The following FYN variants were observed in gnomAD, a reference collection of about 807,000 sequenced individuals.
FYN encodes the protein tyrosine-protein kinase Fyn.
A neutral mutation model predicts 70.2 loss-of-function variants in FYN; 10 were observed. That is an observed-to-expected ratio of 0.14 (90% CI 0.09 to 0.24). The LOEUF (loss-of-function observed/expected upper bound fraction) is 0.24, where lower values mean the gene tolerates loss of function less well. FYN is among the 10% of genes least tolerant of loss of function. The pLI, the probability that FYN is intolerant of heterozygous loss-of-function variation, is 1.00. For synonymous variants in FYN, 236 were observed against 248.6 expected, an observed-to-expected ratio of 0.95 and a Z score of 0.48; for missense variants, 319 against 673.1, an observed-to-expected ratio of 0.47 and a Z score of 5.82.
chr6:111,870,012 CT>C (rs1411956100), intron 1 of FYN, among the ~76,000 whole-genome samples: 1 of 152,224 alleles, frequency 6.6e-6, no homozygotes, highest in Non-Finnish European at 1.5e-5. Context: ...CTATAAGTTT[CT>C]TGAGGGCAGT....
intron 2 of FYN, among the ~76,000 whole-genome samples, chr6:111,827,539 C>T (rs142431796): frequency 1.3e-5 from 2 of 152,168 alleles, no homozygotes; most frequent in Admixed American, 1.3e-4. Flanking sequence ...GGGTCACCAG[C>T]GGCTCAGGCT....
intron 2 of FYN, among the ~76,000 whole-genome samples, chr6:111,825,984 G>T (rs975217575): frequency 6.6e-6 from 1 of 152,070 alleles, no homozygotes; most frequent in African/African-American, 2.4e-5. Context: ...GAGTTAGGGC[G>T]AGTATTCTAT....
At chr6:111,792,884 T>C (rs890073535) in intron 2 of FYN, among the ~76,000 whole-genome samples, 5 of 152,188 alleles carry the variant, frequency 3.3e-5, no homozygotes, top group Non-Finnish European at 5.9e-5. Flanking sequence ...TGGGGTGTAT[T>C]GGGACTGGAT....
chr6:111,735,555 C>T (rs1262177371), intron 3 of FYN, among the ~76,000 whole-genome samples: 7 of 152,136 alleles, frequency 4.6e-5, no homozygotes, highest in African/African-American at 1.2e-4. Context: ...TAAGCAAAAG[C>T]ATTTGCACAT....
intron 2 of FYN, among the ~76,000 whole-genome samples, chr6:111,784,921 T>C (rs183466358): frequency 1.6e-4 from 25 of 152,362 alleles, no homozygotes; most frequent in Non-Finnish European, 2.6e-4. Context: ...CCAGCTATTA[T>C]ACAAAATCAT....
At chr6:111,770,844 C>G (rs1274791614) in intron 3 of FYN, among the ~76,000 whole-genome samples, 36 of 152,126 alleles carry the variant, frequency 2.4e-4, no homozygotes, top group Admixed American at 2.4e-3. Flanking sequence ...CATGAGAACT[C>G]TCTATCGTAA....
chr6:111,830,716 G>C (rs1286005808), intron 2 of FYN, among the ~76,000 whole-genome samples: 1 of 152,064 alleles, frequency 6.6e-6, no homozygotes, highest in Non-Finnish European at 1.5e-5. Context: ...TAAATTCTCT[G>C]GGAGATAGGG....
chr6:111,724,275 A>C (rs706906), intron 3 of FYN, among the ~76,000 whole-genome samples: 59,240 of 151,862 alleles, frequency 0.39, 16,385 homozygotes, highest in African/African-American at 0.78. Context: ...GCTATGGGAG[A>C]TATGCTTCTC....
chr6:111,760,250 A>G (rs1332150550), intron 3 of FYN, among the ~76,000 whole-genome samples: 2 of 152,300 alleles, frequency 1.3e-5, no homozygotes, highest in African/African-American at 2.4e-5. Context: ...AATTAAAATG[A>G]GCAAGAACAG....
At chr6:111,685,980 AAGAAAT>A (rs1164489150) in intron 12 of FYN, among the ~76,000 whole-genome samples, 1 of 152,178 alleles carries the variant, frequency 6.6e-6, no homozygotes, top group East Asian at 1.9e-4. Context: ...GTGGGAATGA[AAGAAAT>A]TGGTCCCATC....
intron 2 of FYN, among the ~76,000 whole-genome samples, chr6:111,788,849 C>A (rs1771500026): frequency 6.6e-6 from 1 of 152,034 alleles, no homozygotes; most frequent in Non-Finnish European, 1.5e-5. Flanking sequence ...TGACTGTGGC[C>A]TTCCCTTTCA....
At chr6:111,674,324 C>G in intron 13 of FYN, 175 bp downstream of exon 13, 1 of 634,592 alleles carries the variant, frequency 1.6e-6, no homozygotes, top group East Asian at 2.8e-5. Flanking sequence ...TGTCTACATA[C>G]ATGGTGGCTC....
intron 10 of FYN, among the ~76,000 whole-genome samples, chr6:111,695,047 C>T (rs1799513172): frequency 6.6e-6 from 1 of 152,186 alleles, no homozygotes; most frequent in South Asian, 2.1e-4. Flanking sequence ...ATCACCCCTG[C>T]ACAAAGAATT....
intron 13 of FYN, among the ~76,000 whole-genome samples, chr6:111,666,392 C>A (rs1441051056): frequency 1.3e-5 from 2 of 152,040 alleles, no homozygotes; most frequent in African/African-American, 2.4e-5. Context: ...GGCTGGGGAG[C>A]CAGCAAGCAC....
chr6:111,715,244 TC>T (rs1355905539), intron 4 of FYN, among the ~76,000 whole-genome samples: 1 of 145,638 alleles, frequency 6.9e-6, no homozygotes, highest in African/African-American at 2.8e-5. Context: ...TAGGCATAAT[TC>T]TTTTTTTTTT....
At chr6:111,802,353 C>T (rs1457695638) in intron 2 of FYN, among the ~76,000 whole-genome samples, 1 of 152,140 alleles carries the variant, frequency 6.6e-6, no homozygotes, top group East Asian at 1.9e-4. Context: ...GAGCAGATGC[C>T]AACATCATGG....
Position 111,673,622 on chromosome 6 carries a change from G to GTTTTTTTTTTTTTTTTTTTTTTTTTTT in FYN, c.1405+876_1405+877insAAAAAAAAAAAAAAAAAAAAAAAAAAA, listed in dbSNP as rs71021858. Among the ~76,000 whole-genome samples, 11 of 116,554 alleles carry GTTTTTTTTTTTTTTTTTTTTTTTTTTT rather than the reference G, an allele frequency of 9.4e-5. 1 individual carries two copies. The highest frequency in any genetic ancestry group is 1.2e-4 in the Non-Finnish European group (7 of 58,480). 76.5% of individuals were successfully genotyped at this position (116,554 alleles called of 152,430 possible). On this transcript the variant is annotated intron_variant, in intron 13 of 13. Transcript: ENST00000354650. Reference sequence around the variant, plus strand: ...AATCGTCACTATCGTTTCTATCATTGTTTTTTTTTTTTTTTTTTTCTTTAA... The same window carrying GTTTTTTTTTTTTTTTTTTTTTTTTTTT: ...AATCGTCACTATCGTTTCTATCATTGTTTTTTTTTTTTTTTTTTTTTTTTTTTTTTTTTTTTTTTTTTTTTTCTTTAA...
At chr6:111,704,514 G>A (rs1347160249) in intron 6 of FYN, among the ~76,000 whole-genome samples, 2 of 152,196 alleles carry the variant, frequency 1.3e-5, no homozygotes, top group Non-Finnish European at 2.9e-5. Context: ...AGCACTTTGG[G>A]AGGCCGAGGT....
At chr6:111,856,544 T>C (rs191581358) in intron 1 of FYN, among the ~76,000 whole-genome samples, 1 of 152,312 alleles carries the variant, frequency 6.6e-6, no homozygotes, top group East Asian at 1.9e-4. Context: ...AAATTTAATC[T>C]ATATGGACAT....
Sources: gnomAD v4.1 joint callset for allele counts (sites outside exome capture counted in the v4.1 genomes callset) on GRCh38, gnomAD v4.1.1 for gene constraint, MANE v1.5 for transcripts, NCBI Gene and HGNC (gene_info 2026-07-23, HGNC 2026-07-21) for gene names.